Variants in FAM200B observed in about 807,000 individuals in gnomAD.
FAM200B encodes protein FAM200B.
FAM200B carries 32 observed loss-of-function variants against 33.1 expected under a neutral mutation model. The observed-to-expected ratio is 0.97, with a 90% CI of 0.73 to 1.30. The LOEUF is 1.30. FAM200B is among the 50% of genes most tolerant of loss of function. FAM200B has a pLI of 0.00. For synonymous variants in FAM200B, 240 were observed against 264.8 expected, an observed-to-expected ratio of 0.91 and a Z score of 0.91; for missense variants, 741 against 754.0, an observed-to-expected ratio of 0.98 and a Z score of 0.20.
the FAM200B span, chr4:15,640,770 A>G: frequency 7.2e-7 from 1 of 1,379,742 alleles, no homozygotes; most frequent in African/African-American, 1.7e-5. Flanking sequence ...TAAATCACGA[A>G]AGAAAAATTA....
chr4:15,649,578 C>CAAAAA, the FAM200B span, among the ~76,000 whole-genome samples: 3 of 81,338 alleles, frequency 3.7e-5, no homozygotes, highest in East Asian at 4.7e-4. Context: ...GACTACGTCT[C>CAAAAA]AAAAAAAAAA....
At chr4:15,656,302 G>C in the FAM200B span, 1 of 456,246 alleles carries the variant, frequency 2.2e-6, no homozygotes, top group Non-Finnish European at 4.4e-6. Context: ...TCTGTTCTCT[G>C]CTCACGCCGG....
In FAM200B at chr4:15,688,407, A is replaced by G; in HGVS notation, c.1430A>G (p.Asn477Ser). Residue 477 changes from asparagine (N) to serine (S), a missense_variant, in exon 2 of 2, where the codon AAT becomes AGT. Transcript: ENST00000422728. Reference sequence around the variant, plus strand: ...TTATGGCAAGTAAGACTTAAAAGTAATCGTCCTAGCTATTACATGTTTCCA... The same window carrying G: ...TTATGGCAAGTAAGACTTAAAAGTAGTCGTCCTAGCTATTACATGTTTCCA... ...LLLWQVRLKS[N>S]RPSYYMFPRF... 5 of 1,549,138 alleles carry G rather than the reference A, an allele frequency of 3.2e-6. No homozygotes were observed. The highest frequency in any genetic ancestry group is 4.4e-6 in the Non-Finnish European group (5 of 1,144,896).
At chr4:15,639,912 T>G in the FAM200B span, among the ~76,000 whole-genome samples, 1 of 152,244 alleles carries the variant, frequency 6.6e-6, no homozygotes, top group Admixed American at 6.5e-5. Context: ...CCGTTCCTCA[T>G]AAAATAATTT....
At chr4:15,656,091 A>G in the FAM200B span, 1 of 438,498 alleles carries the variant, frequency 2.3e-6, no homozygotes, top group Non-Finnish European at 4.6e-6. Flanking sequence ...CAAGTGCAGG[A>G]ACGCGGGTCA....
the FAM200B span, among the ~76,000 whole-genome samples, chr4:15,670,456 A>G: frequency 3.9e-5 from 6 of 152,324 alleles, no homozygotes; most frequent in Admixed American, 2.0e-4. Context: ...TGTTACCATC[A>G]TATCTTTTTT....
At chr4:15,670,953 TCA>T in the FAM200B span, among the ~76,000 whole-genome samples, 1 of 121,240 alleles carries the variant, frequency 8.2e-6, no homozygotes, top group East Asian at 2.7e-4. Context: ...AGATCGAGTC[TCA>T]CTCTGTTGCC....
chr4:15,640,347 G>A, the FAM200B span, among the ~76,000 whole-genome samples: 1 of 117,632 alleles, frequency 8.5e-6, no homozygotes, highest in Non-Finnish European at 1.6e-5. Flanking sequence ...GCCCAGCCAA[G>A]ACTAATACAT....
At chr4:15,670,335 A>G in the FAM200B span, among the ~76,000 whole-genome samples, 25 of 152,370 alleles carry the variant, frequency 1.6e-4, no homozygotes, top group Non-Finnish European at 3.1e-4. Flanking sequence ...TACAGGAAAC[A>G]GTCAAAATAT....
At chr4:15,685,950 C>G (rs1182808986) in intron 1 of FAM200B, among the ~76,000 whole-genome samples, 1 of 152,172 alleles carries the variant, frequency 6.6e-6, no homozygotes. Context: ...GGTGAATAAG[C>G]TATACTCCTT....
chr4:15,672,947 C>T, the FAM200B span, among the ~76,000 whole-genome samples: 2 of 152,038 alleles, frequency 1.3e-5, no homozygotes, highest in Non-Finnish European at 2.9e-5. Flanking sequence ...TTAGCCTAGA[C>T]TTACACAGGG....
chr4:15,655,148 C>A, the FAM200B span: 1 of 1,303,604 alleles, frequency 7.7e-7, no homozygotes, highest in Admixed American at 2.5e-5. Flanking sequence ...AAGAACCCAG[C>A]CCGCTCCCCA....
chr4:15,638,937 G>T, the FAM200B span, among the ~76,000 whole-genome samples: 2 of 152,126 alleles, frequency 1.3e-5, no homozygotes, highest in African/African-American at 2.4e-5. Context: ...AGCCAAGGCG[G>T]GTAGGTCACC....
At chr4:15,648,632 T>C in the FAM200B span, among the ~76,000 whole-genome samples, 10 of 152,174 alleles carry the variant, frequency 6.6e-5, no homozygotes, top group African/African-American at 2.4e-4. Flanking sequence ...AGATAAATAA[T>C]GTATGATCTC....
rs1719100179 is a variant in FAM200B, at chr4:15,688,494, T to C, written c.1517T>C (p.Leu506Ser). The C allele has an allele frequency of 1.4e-5, 22 of 1,539,538 alleles. No individual in the cohort carries two copies. Among genetic ancestry groups the C allele is most frequent in the Non-Finnish European group, 1.8e-5 (21 of 1,137,542 alleles). Residue 506 changes from leucine to serine, a missense_variant, in exon 2 of 2, where the codon TTA becomes TCA. Physicochemically the swap from Leu to Ser is moderately radical, Grantham distance 145. Coordinates refer to ENST00000422728, the MANE Select transcript of FAM200B (RefSeq NM_001145191.2). ...GAAAACATTTTGAAAGAAATAAAAT[T>C]AGAGATATTGTTGCATCTCACTTCT... The part of the protein sequence containing the change: ...INENILKEIK[L>S]EILLHLTSLS...
chr4:15,666,462 A>C, the FAM200B span, among the ~76,000 whole-genome samples: 1 of 152,104 alleles, frequency 6.6e-6, no homozygotes, highest in Non-Finnish European at 1.5e-5. Flanking sequence ...AATAAAGTTA[A>C]ACTCATATAA....
At chr4:15,661,556 C>T in the FAM200B span, among the ~76,000 whole-genome samples, 3 of 152,150 alleles carry the variant, frequency 2.0e-5, no homozygotes, top group Non-Finnish European at 4.4e-5. Context: ...TACAAATTAA[C>T]TGGAGAAGGG....
chr4:15,682,480 A>G (rs766531913), intron 1 of FAM200B, among the ~76,000 whole-genome samples: 1 of 152,236 alleles, frequency 6.6e-6, no homozygotes, highest in Non-Finnish European at 1.5e-5. Context: ...ACCCCGTCTC[A>G]TTCTCTTTCC....
In FAM200B at chr4:15,686,911, T is replaced by C; in HGVS notation, c.-67T>C. The C allele has an allele frequency of 1.2e-6, 1 of 806,928 alleles. No homozygotes were observed. The highest frequency in any genetic ancestry group is 1.8e-6 in the Non-Finnish European group (1 of 543,510). The allele number at this position is 806,928 out of a possible 1,614,324, so 50.0% of individuals were successfully genotyped here. On this transcript the variant is annotated 5_prime_UTR_variant, in exon 2 of 2. Coordinates refer to ENST00000422728, the MANE Select transcript of FAM200B (RefSeq NM_001145191.2). ...AAGATGTTATTTAGACTGTATATTT[T>C]TTTCTTCTTTTTTGAGTTAGTGCCA...
Sources: gnomAD v4.1 joint callset for allele counts (sites outside exome capture counted in the v4.1 genomes callset) on GRCh38, gnomAD v4.1.1 for gene constraint, MANE v1.5 for transcripts, NCBI Gene and HGNC (gene_info 2026-07-23, HGNC 2026-07-21) for gene names.